The following RPGRIP1L variants were observed in gnomAD, a reference collection of about 807,000 sequenced individuals.
The protein encoded by RPGRIP1L is RPGRIP1 like.
RPGRIP1L carries 131 observed loss-of-function variants against 160.4 expected under a neutral mutation model. That is an observed-to-expected ratio of 0.82 (90% confidence interval 0.71 to 0.94). The LOEUF is 0.94. Ranked by LOEUF, RPGRIP1L falls within the 40% of genes least tolerant of loss-of-function variation. The pLI, the probability that RPGRIP1L is intolerant of heterozygous loss-of-function variation, is 0.00. For missense variants in RPGRIP1L, 1,522 were observed against 1,535.8 expected (o/e 0.99, Z 0.15); for synonymous variants, 510 against 515.8 (o/e 0.99, Z 0.15).
At chr16:53,658,991 G>T in intron 10 of RPGRIP1L, 113 bp from the exon 11 acceptor site, 2 of 797,282 alleles carry the variant, frequency 2.5e-6, no homozygotes, top group Non-Finnish European at 4.1e-6. Context: ...TATTGTTCTG[G>T]TCAGAAAGGA....
intron 14 of RPGRIP1L, among the ~76,000 whole-genome samples, chr16:53,655,133 A>C (rs988762768): frequency 6.6e-6 from 1 of 152,212 alleles, no homozygotes; most frequent in African/African-American, 2.4e-5. Flanking sequence ...AACAGATTAA[A>C]TGCAGAAGCA....
intron 22 of RPGRIP1L, among the ~76,000 whole-genome samples, chr16:53,630,669 T>A (rs556833986): frequency 6.6e-6 from 1 of 152,098 alleles, no homozygotes; most frequent in Non-Finnish European, 1.5e-5. Flanking sequence ...TAAAAAATAG[T>A]TTTAAAAGCA....
intron 15 of RPGRIP1L, among the ~76,000 whole-genome samples, chr16:53,650,789 G>T (rs544803560): frequency 6.6e-6 from 1 of 152,082 alleles, no homozygotes; most frequent in Non-Finnish European, 1.5e-5. Context: ...TCTTCACTTG[G>T]TCTCTGGGGT....
At chr16:53,675,304 A>G (rs1017985856) in intron 6 of RPGRIP1L, among the ~76,000 whole-genome samples, 182 bp from the exon 7 acceptor site, 4 of 152,186 alleles carry the variant, frequency 2.6e-5, no homozygotes, top group Non-Finnish European at 5.9e-5. Flanking sequence ...TTTAAAACAA[A>G]CCAATAATCA....
At chr16:53,686,919 C>T (rs1357088531) in intron 5 of RPGRIP1L, among the ~76,000 whole-genome samples, 1 of 152,152 alleles carries the variant, frequency 6.6e-6, no homozygotes, top group Non-Finnish European at 1.5e-5. Flanking sequence ...CATATATGCA[C>T]ATCTGCTTAT....
chr16:53,610,569 C>T (rs527855787), intron 25 of RPGRIP1L, among the ~76,000 whole-genome samples: 1 of 152,234 alleles, frequency 6.6e-6, no homozygotes, highest in East Asian at 1.9e-4. Context: ...AAGAGAGGTG[C>T]AAGAAGGTTA....
chr16:53,612,456 C>A (rs1964108847), intron 24 of RPGRIP1L, among the ~76,000 whole-genome samples: 1 of 149,488 alleles, frequency 6.7e-6, no homozygotes, highest in South Asian at 2.1e-4. Flanking sequence ...TGCCAGTACA[C>A]AACGCTAAAG....
At chr16:53,689,309 C>T (rs1287142722) in intron 4 of RPGRIP1L, among the ~76,000 whole-genome samples, 1 of 152,040 alleles carries the variant, frequency 6.6e-6, no homozygotes, top group Non-Finnish European at 1.5e-5. Context: ...CCTATACAGT[C>T]TACTGTGCTA....
intron 22 of RPGRIP1L, chr16:53,635,512 T>A (rs1438370571): frequency 6.6e-6 from 1 of 152,298 alleles, no homozygotes; most frequent in Non-Finnish European, 1.5e-5. Context: ...CAGACTGCAG[T>A]GCAGTGGTGC....
intron 9 of RPGRIP1L, among the ~76,000 whole-genome samples, chr16:53,670,757 G>C (rs1417267045): frequency 6.6e-6 from 1 of 152,036 alleles, no homozygotes. Flanking sequence ...GTCTAAGAAA[G>C]AGACCAAAAG....
At chr16:53,646,040 A>C in intron 16 of RPGRIP1L, 37 bp from the exon 17 acceptor site, 1 of 1,603,830 alleles carries the variant, frequency 6.2e-7, no homozygotes, top group Non-Finnish European at 8.5e-7. Context: ...AGGAAATAAC[A>C]CAGTTAAAAG....
At position 53,615,451 on chromosome 16, in the gene RPGRIP1L, AATATAT is replaced by A. The variant is rs1253551117; in HGVS notation, c.3616+3568_3616+3573del. Among the ~76,000 whole-genome samples, 47 of 122,374 alleles carry A rather than the reference AATATAT, an allele frequency of 3.8e-4. 2 individuals are homozygous for A. Among genetic ancestry groups the A allele is most frequent in the Middle Eastern group, 4.5e-3 (1 of 224 alleles). The allele number at this position is 122,374 out of a possible 152,430, so 80.3% of individuals were successfully genotyped here. ...GTTTTTCAGTGTTGGTATTTCTAAG[AATATAT>A]ATATATATATATATATTTTTTTTTT... On this transcript the variant is annotated intron_variant, in intron 24 of 26. Coordinates refer to ENST00000647211, the MANE Select transcript of RPGRIP1L (RefSeq NM_015272.5).
intron 24 of RPGRIP1L, among the ~76,000 whole-genome samples, chr16:53,616,820 C>T (rs1172112410): frequency 7.2e-5 from 11 of 151,884 alleles, no homozygotes; most frequent in Admixed American, 7.2e-4. Flanking sequence ...ACCTGTAATA[C>T]CAGCACTTTG....
chr16:53,611,777 G>A (rs772903148), intron 24 of RPGRIP1L, among the ~76,000 whole-genome samples: 10 of 152,194 alleles, frequency 6.6e-5, no homozygotes, highest in Non-Finnish European at 1.2e-4. Context: ...TTCAATGTGC[G>A]AACAGTACAA....
intron 10 of RPGRIP1L, chr16:53,659,875 G>A (rs927990841): frequency 1.3e-5 from 2 of 151,876 alleles, no homozygotes; most frequent in Non-Finnish European, 2.9e-5. Flanking sequence ...GCAAGACTCT[G>A]TCCCCCCAAA....
In RPGRIP1L at chr16:53,601,313, G is replaced by C. The variant is rs953925236; in HGVS notation, c.*763C>G. Reference sequence around the variant, plus strand: ...CTGTGTCATATACTAAGTTTTCAACGTGTAAATTTCACATCTATCTATATA... The same window carrying C: ...CTGTGTCATATACTAAGTTTTCAACCTGTAAATTTCACATCTATCTATATA... On this transcript the variant is annotated 3_prime_UTR_variant, in exon 27 of 27. Transcript: ENST00000647211. The C allele has an allele frequency of 6.6e-6, 1 of 152,240 alleles. No individual in the cohort carries two copies. Among genetic ancestry groups the C allele is most frequent in the Non-Finnish European group, 1.5e-5 (1 of 68,034 alleles). 9.4% of individuals were successfully genotyped at this position (152,240 alleles called of 1,614,324 possible). A position where few individuals can be genotyped will look rare whatever the true frequency, so the allele number is the denominator to read the frequency against.
At chr16:53,637,021 T>C (rs1965884787) in intron 21 of RPGRIP1L, among the ~76,000 whole-genome samples, 1 of 151,828 alleles carries the variant, frequency 6.6e-6, no homozygotes, top group South Asian at 2.1e-4. Flanking sequence ...GGTCTTGCTA[T>C]GTTACCCAGG....
rs552495301 is a variant in RPGRIP1L, at chr16:53,661,163, G to A, written c.1244-2285C>T. ...ACAAGAATTAGCTGGGCATGGTGGTGCATGCCTGTAGTCCCAGCTACTCAG... is the reference window on the plus strand; with the variant it reads ...ACAAGAATTAGCTGGGCATGGTGGTACATGCCTGTAGTCCCAGCTACTCAG... On this transcript the variant is annotated intron_variant, in intron 10 of 26. Transcript: ENST00000647211. 2.6e-5 allele frequency among the ~76,000 whole-genome samples: 4 copies of A among 151,000 alleles called. No homozygotes were observed. In the South Asian group the frequency reaches 6.3e-4, roughly 24 times the overall value.
At chr16:53,626,145 T>TAAAAAAAAA (rs760491478) in intron 22 of RPGRIP1L, among the ~76,000 whole-genome samples, 117 of 60,470 alleles carry the variant, frequency 1.9e-3, no homozygotes, top group African/African-American at 5.0e-3. Context: ...CAATAAATAC[T>TAAAAAAAAA]AAAAAAAAAA....
Sources: allele counts gnomAD v4.1 joint callset (sites outside exome capture counted in the v4.1 genomes callset), GRCh38; gene constraint gnomAD v4.1.1; transcripts MANE v1.5; gene names NCBI Gene and HGNC (gene_info 2026-07-23, HGNC 2026-07-21).